Variants in NT5C1B observed in about 807,000 individuals in gnomAD.
The protein encoded by NT5C1B is 5'-nucleotidase, cytosolic IB, also known as cytosolic 5'-nucleotidase 1B.
A neutral mutation model predicts 57.8 loss-of-function variants in NT5C1B; 44 were observed. The ratio of observed to expected loss-of-function variants is 0.76; its 90% confidence interval spans 0.60 to 0.98. The LOEUF is 0.98. Among genes scored for constraint, NT5C1B ranks in the 50% least tolerant of loss-of-function variants. The pLI is 0.00. For missense variants in NT5C1B, 742 were observed against 719.5 expected, an observed-to-expected ratio of 1.03 and a Z score of -0.36; for synonymous variants, 284 against 282.6, an observed-to-expected ratio of 1.00 and a Z score of -0.05.
chr2:18,582,401 C>A (rs1666258288), intron 6 of NT5C1B, among the ~76,000 whole-genome samples: 1 of 152,148 alleles, frequency 6.6e-6, no homozygotes, highest in African/African-American at 2.4e-5. Context: ...TAGAATCAAT[C>A]AAATTTTCTA....
intron 2 of NT5C1B, 194 bp downstream of exon 2, chr2:18,587,309 C>T: frequency 6.8e-7 from 1 of 1,478,508 alleles, no homozygotes; most frequent in East Asian, 2.5e-5. Flanking sequence ...GAAGTGAACA[C>T]TAGGGTATGG....
At chr2:18,564,201 G>A (rs1163142448) in intron 8 of NT5C1B, 82 bp from the exon 9 acceptor site, 21 of 1,434,876 alleles carry the variant, frequency 1.5e-5, no homozygotes, top group Admixed American at 2.4e-5. Context: ...TATATGATAC[G>A]ATACAATACA....
intron 2 of NT5C1B, chr2:18,587,035 A>T (rs373559057): frequency 6.2e-7 from 1 of 1,614,190 alleles, no homozygotes; most frequent in African/African-American, 1.3e-5. Flanking sequence ...CACAACAGGC[A>T]CATGTGAATA....
At chr2:18,572,072 C>T (rs1325689062) in intron 8 of NT5C1B, among the ~76,000 whole-genome samples, 3 of 103,770 alleles carry the variant, frequency 2.9e-5, no homozygotes, top group African/African-American at 8.0e-5. Context: ...GGCGACAGAG[C>T]GAGACTCTGT....
Position 18,577,899 on chromosome 2 carries a change from A to G in NT5C1B, c.1022-1004T>C, listed in dbSNP as rs548985944. 4.6e-5 allele frequency among the ~76,000 whole-genome samples: 7 copies of G among 152,260 alleles called. No individual in the cohort carries two copies. In the South Asian group the frequency reaches 1.4e-3, roughly 32 times the overall value. On this transcript the variant is annotated intron_variant, in intron 6 of 8. Coordinates refer to ENST00000304081, the Ensembl canonical transcript of NT5C1B. ...AAGAAAAACAGAGAGAAAAATCCAA[A>G]TAAACACAATCAGAAATGACACAAG...
chr2:18,576,131 A>G, intron 8 of NT5C1B, 53 bp downstream of exon 8: 1 of 1,472,758 alleles, frequency 6.8e-7, no homozygotes, highest in Admixed American at 2.4e-5. Context: ...TGATATTTAT[A>G]TATTAGAAAA....
At chr2:18,587,725 C>A in intron 1 of NT5C1B, 133 bp from the exon 2 acceptor site, 1 of 923,364 alleles carries the variant, frequency 1.1e-6, no homozygotes. Context: ...AAACTCTAGA[C>A]CTTAGTTTCC....
chr2:18,588,206 G>T (rs1266225403), intron 1 of NT5C1B, among the ~76,000 whole-genome samples: 1 of 152,130 alleles, frequency 6.6e-6, no homozygotes, highest in East Asian at 1.9e-4. Context: ...AAGAGCACAA[G>T]AAGATGACTC....
chr2:18,583,114 A>T (rs1666328521), intron 5 of NT5C1B, 117 bp from the exon 6 acceptor site: 2 of 1,358,414 alleles, frequency 1.5e-6, no homozygotes, highest in Admixed American at 5.4e-5. Flanking sequence ...CTTCACTGAG[A>T]GATTCTGGCT....
intron 6 of NT5C1B, among the ~76,000 whole-genome samples, chr2:18,580,088 T>G (rs1666050041): frequency 6.6e-6 from 1 of 152,124 alleles, no homozygotes; most frequent in African/African-American, 2.4e-5. Flanking sequence ...AATGAGATTA[T>G]CATCTCATAC....
At chr2:18,572,089 A>G (rs1665251945) in intron 8 of NT5C1B, among the ~76,000 whole-genome samples, 1 of 150,282 alleles carries the variant, frequency 6.7e-6, no homozygotes. Context: ...CTGTCAAAAA[A>G]AAAAAAAAAA....
At chr2:18,587,021 C>T (rs758324213) in intron 2 of NT5C1B, 33 of 1,614,120 alleles carry the variant, frequency 2.0e-5, no homozygotes, top group Middle Eastern at 1.6e-4. Context: ...GCTGGCCCTG[C>T]TCCCACAACA....
chr2:18,573,233 A>G (rs569524458), intron 8 of NT5C1B, among the ~76,000 whole-genome samples: 3 of 152,256 alleles, frequency 2.0e-5, no homozygotes, highest in African/African-American at 7.2e-5. Context: ...AGGCAAAACT[A>G]TAGAAAAAGA....
intron 2 of NT5C1B, chr2:18,586,995 CTCA>C (rs760171043): frequency 1.1e-5 from 18 of 1,614,072 alleles, no homozygotes; most frequent in Non-Finnish European, 1.4e-5. Flanking sequence ...TCTGCTCACC[CTCA>C]TCATGGTGAT....
At chr2:18,583,726 C>CT (rs1406271536) in intron 5 of NT5C1B, 2 of 419,312 alleles carry the variant, frequency 4.8e-6, no homozygotes, top group East Asian at 1.3e-4. Context: ...GCCAGAAGAG[C>CT]TAACGTGAAT....
At chr2:18,585,075 T>A in intron 3 of NT5C1B, 97 bp from the exon 4 acceptor site, 2 of 1,505,724 alleles carry the variant, frequency 1.3e-6, no homozygotes, top group Non-Finnish European at 1.8e-6. Context: ...AGACCTTTGA[T>A]GGGTGCTGGT....
At chr2:18,586,501 A>G in intron 2 of NT5C1B, 110 bp from the exon 3 acceptor site, 1 of 1,487,090 alleles carries the variant, frequency 6.7e-7, no homozygotes, top group East Asian at 2.3e-5. Flanking sequence ...ACCCAGTGAG[A>G]AGATCCCTGG....
At chr2:18,571,921 A>G (rs1480053134) in intron 8 of NT5C1B, among the ~76,000 whole-genome samples, 3 of 150,346 alleles carry the variant, frequency 2.0e-5, no homozygotes, top group African/African-American at 7.3e-5. Context: ...TTTACTCTCT[A>G]CTAAAAATAC....
intron 6 of NT5C1B, among the ~76,000 whole-genome samples, chr2:18,579,886 A>G (rs938614901): frequency 1.1e-4 from 17 of 152,230 alleles, no homozygotes; most frequent in African/African-American, 2.9e-4. Flanking sequence ...CAAACTATGC[A>G]TTTAACAAAG....
Sources: gnomAD v4.1 joint callset for allele counts (sites outside exome capture counted in the v4.1 genomes callset) on GRCh38, gnomAD v4.1.1 for gene constraint, MANE v1.5 for transcripts, NCBI Gene and HGNC (gene_info 2026-07-23, HGNC 2026-07-21) for gene names.